Variants in NT5DC3 observed in about 807,000 individuals in gnomAD.
NT5DC3 encodes the protein 5'-nucleotidase domain-containing protein 3.
NT5DC3 carries 42 observed loss-of-function variants against 67.8 expected under a neutral mutation model. That is an observed-to-expected ratio of 0.62 (90% CI 0.48 to 0.80). NT5DC3 has a LOEUF of 0.80. NT5DC3 is among the 30% of genes least tolerant of loss of function. NT5DC3 has a pLI of 0.00. For synonymous variants in NT5DC3, 237 were observed against 255.6 expected, an observed-to-expected ratio of 0.93 and a Z score of 0.69; for missense variants, 570 against 696.4, an observed-to-expected ratio of 0.82 and a Z score of 2.04.
At chr12:103,750,456 A>G in the NT5DC3 span, 2 of 1,258,608 alleles carry the variant, frequency 1.6e-6, no homozygotes, top group East Asian at 2.3e-5. Flanking sequence ...ACTGGACAGG[A>G]AAGGCACGTT....
At chr12:103,794,117 A>T in intron 6 of NT5DC3, 120 bp from the exon 7 acceptor site, 1 of 685,512 alleles carries the variant, frequency 1.5e-6, no homozygotes, top group South Asian at 1.8e-5. Context: ...TCCAGGCCCT[A>T]CACAAAATCT....
At chr12:103,778,930 C>T (rs749935567) in intron 13 of NT5DC3, among the ~76,000 whole-genome samples, 11 of 152,204 alleles carry the variant, frequency 7.2e-5, no homozygotes, top group Non-Finnish European at 1.5e-4. Flanking sequence ...TAAATACACA[C>T]GCCCCATCTC....
At chr12:103,751,136 G>A in the NT5DC3 span, among the ~76,000 whole-genome samples, 1 of 152,198 alleles carries the variant, frequency 6.6e-6, no homozygotes, top group Non-Finnish European at 1.5e-5. Flanking sequence ...GTGACTCAGG[G>A]CACTGCACTT....
downstream of NT5DC3, chr12:103,766,893 A>ACTT (rs1355585780): frequency 6.5e-6 from 1 of 154,314 alleles, no homozygotes; most frequent in African/African-American, 2.4e-5. Context: ...ATGAGATGTC[A>ACTT]CTTCACACCC....
chr12:103,839,740 C>G (rs1039308720), intron 1 of NT5DC3, among the ~76,000 whole-genome samples: 1 of 152,158 alleles, frequency 6.6e-6, no homozygotes, highest in Non-Finnish European at 1.5e-5. Flanking sequence ...AAAGCCAAAG[C>G]AAAATTAACT....
chr12:103,746,664 G>A, the NT5DC3 span: 2 of 1,613,974 alleles, frequency 1.2e-6, no homozygotes, highest in Admixed American at 1.7e-5. Context: ...ACACGTGTGA[G>A]TGTAACCTGG....
At chr12:103,839,095 T>C (rs1199695646) in intron 1 of NT5DC3, among the ~76,000 whole-genome samples, 1 of 152,230 alleles carries the variant, frequency 6.6e-6, no homozygotes, top group African/African-American at 2.4e-5. Context: ...ATCTGTGCTC[T>C]CATGCATGTG....
chr12:103,808,653 C>T (rs1418619831), intron 2 of NT5DC3, among the ~76,000 whole-genome samples: 2 of 152,174 alleles, frequency 1.3e-5, no homozygotes, highest in East Asian at 3.8e-4. Flanking sequence ...CATTCATGGG[C>T]GTTTCCAAGA....
chr12:103,754,937 C>T, the NT5DC3 span, among the ~76,000 whole-genome samples: 5 of 144,630 alleles, frequency 3.5e-5, no homozygotes, highest in African/African-American at 1.4e-4. Flanking sequence ...CAGAGCAAGA[C>T]TCCACCTCAA....
Position 103,777,875 on chromosome 12 carries a change from G to A in NT5DC3, c.1601C>T (p.Pro534Leu), listed in dbSNP as rs761309710. ...CAGGAGAGGGGTTCCGAAGGTGGGGGGCCTTTCTGACCAGGCGGGCAGTTC... is the reference window on the plus strand; with the variant it reads ...CAGGAGAGGGGTTCCGAAGGTGGGGAGCCTTTCTGACCAGGCGGGCAGTTC... ...QHELPAWSER[P>L]PTFGTPLLQE... Residue 534 changes from proline (P) to leucine (L), a missense_variant, in exon 14 of 14, where the codon CCC becomes CTC. Pro to Leu is a moderately conservative substitution (Grantham distance 98). Around this residue, in one of 2 missense-constraint regions of NT5DC3, gnomAD observed 466 missense variants for 608.0 expected, o/e 0.77. Coordinates refer to ENST00000392876, the MANE Select transcript of NT5DC3 (RefSeq NM_001031701.3). 1.2e-6 allele frequency: 2 copies of A among 1,614,132 alleles called. No homozygotes were observed. Among genetic ancestry groups the A allele is most frequent in the Non-Finnish European group, 1.7e-6 (2 of 1,180,010 alleles).
chr12:103,840,973 G>A lies in NT5DC3; in HGVS notation c.184C>T (p.Arg62Trp). 2 of 1,343,714 alleles carry A rather than the reference G, an allele frequency of 1.5e-6. No homozygotes were observed. 83.2% of individuals were successfully genotyped at this position (1,343,714 alleles called of 1,614,324 possible). A position where few individuals can be genotyped will look rare whatever the true frequency, so the allele number is the denominator to read the frequency against. ...DMKRYLWERYREAKRSTEELV... is the reference protein window; with the variant it reads ...DMKRYLWERYWEAKRSTEELV... ...CCTTCTGTGCTTCTCTTCGCCTCCC[G>A]GTAGCGCTCCCACAGGTAGCGCTTC... The change falls in exon 1 of 14, where the codon CGG becomes TGG. Residue 62 changes from arginine to tryptophan, a missense_variant. Arg to Trp is a moderately radical substitution (Grantham distance 101, BLOSUM62 -3). Around this residue, in one of 2 missense-constraint regions of NT5DC3, gnomAD observed 104 missense variants for 88.4 expected, o/e 1.18. Transcript: ENST00000392876.
intron 12 of NT5DC3, among the ~76,000 whole-genome samples, chr12:103,781,960 C>A (rs1330914019): frequency 6.6e-6 from 1 of 152,208 alleles, no homozygotes; most frequent in African/African-American, 2.4e-5. Context: ...TACAATCTAG[C>A]CAGTGCAATA....
intron 1 of NT5DC3, among the ~76,000 whole-genome samples, chr12:103,826,476 A>C (rs1887700014): frequency 6.6e-6 from 1 of 152,218 alleles, no homozygotes; most frequent in Admixed American, 6.5e-5. Context: ...AAGACTCAGA[A>C]AGCCATTGCT....
intron 1 of NT5DC3, among the ~76,000 whole-genome samples, chr12:103,840,234 T>C (rs551870232): frequency 3.3e-5 from 5 of 152,326 alleles, no homozygotes; most frequent in African/African-American, 4.8e-5. Flanking sequence ...AGTTCATTAG[T>C]AGTAACAACC....
At chr12:103,794,127 T>A in intron 6 of NT5DC3, 130 bp from the exon 7 acceptor site, 1 of 646,644 alleles carries the variant, frequency 1.5e-6, no homozygotes, top group Middle Eastern at 2.8e-4. Context: ...ACACAAAATC[T>A]AAATTCTGGT....
chr12:103,823,526 G>A (rs968015905), intron 1 of NT5DC3, among the ~76,000 whole-genome samples: 1 of 152,044 alleles, frequency 6.6e-6, no homozygotes, highest in African/African-American at 2.4e-5. Flanking sequence ...TTTTCTGGGT[G>A]TTTTTTAATT....
At chr12:103,796,034 T>C (rs1201092428) in intron 6 of NT5DC3, among the ~76,000 whole-genome samples, 1 of 152,236 alleles carries the variant, frequency 6.6e-6, no homozygotes, top group Admixed American at 6.5e-5. Flanking sequence ...GTGAGGACTT[T>C]GTATATGCTC....
chr12:103,782,446 T>C (rs552328295), intron 12 of NT5DC3, among the ~76,000 whole-genome samples: 28 of 152,332 alleles, frequency 1.8e-4, no homozygotes, highest in African/African-American at 6.7e-4. Flanking sequence ...ATAAAGTTTA[T>C]TGGGACACAG....
intron 4 of NT5DC3, among the ~76,000 whole-genome samples, chr12:103,799,804 C>CAA (rs72379630): frequency 7.6e-6 from 1 of 131,494 alleles, no homozygotes; most frequent in Non-Finnish European, 1.6e-5. Context: ...CTCCACATAC[C>CAA]AAAAAAAAAA....
Sources: gnomAD v4.1 joint callset for allele counts (sites outside exome capture counted in the v4.1 genomes callset) on GRCh38, gnomAD v4.1.1 for gene constraint, gnomAD v4.1.1 regional missense constraint, MANE v1.5 for transcripts, NCBI Gene and HGNC (gene_info 2026-07-23, HGNC 2026-07-21) for gene names.